PPIP5K2: variants seen among roughly 807,000 people sequenced by gnomAD.
The protein encoded by PPIP5K2 is inositol hexakisphosphate and diphosphoinositol-pentakisphosphate kinase 2.
PPIP5K2 carries 105 observed loss-of-function variants against 154.6 expected under a neutral mutation model. The observed-to-expected ratio is 0.68, with a 90% CI of 0.58 to 0.80. The LOEUF (loss-of-function observed/expected upper bound fraction) is 0.80. Ranked by LOEUF, PPIP5K2 falls within the 30% of genes least tolerant of loss-of-function variation. PPIP5K2 has a pLI of 0.00. For missense variants in PPIP5K2, 992 were observed against 1,504.6 expected, an observed-to-expected ratio of 0.66 and a Z score of 5.64; for synonymous variants, 480 against 490.3, an observed-to-expected ratio of 0.98 and a Z score of 0.28.
intron 30 of PPIP5K2, 30 bp from the exon 31 acceptor site, chr5:103,201,492 G>GTTTTTTTTT (rs371804029): frequency 8.8e-7 from 1 of 1,131,828 alleles, no homozygotes; most frequent in Non-Finnish European, 1.2e-6. Flanking sequence ...TTAAGCAATA[G>GTTTTTTTTT]TTTTTTTTTT....
In PPIP5K2 at chr5:103,158,332, T is replaced by G. The variant is rs377230477; in HGVS notation, c.1615+19T>G. On this transcript the variant is annotated intron_variant, in intron 15 of 30. Transcript: ENST00000358359. ...GGTCAAGGTAAATCTTAGAGTTTTCTTTAATTTGACTAATTTCATAAATTG... is the reference window on the plus strand; with the variant it reads ...GGTCAAGGTAAATCTTAGAGTTTTCGTTAATTTGACTAATTTCATAAATTG... 4 of 1,601,232 alleles carry G rather than the reference T, an allele frequency of 2.5e-6. No individual in the cohort carries two copies. Among genetic ancestry groups the G allele is most frequent in the Non-Finnish European group, 3.4e-6 (4 of 1,176,400 alleles).
intron 8 of PPIP5K2, among the ~76,000 whole-genome samples, chr5:103,149,839 G>A (rs782764084): frequency 1.3e-5 from 2 of 151,728 alleles, no homozygotes; most frequent in Non-Finnish European, 2.9e-5. Context: ...TGGGATTACA[G>A]GCACCCACCA....
chr5:103,208,994 GAAGAAGAACAA>G lies in PPIP5K2; in HGVS notation c.*7367_*7377del, dbSNP rs1803661580. ...CTTTGACAAGAAGGAAGAGGAGGAGGAAGAAGAACAAAAGAAGCCTGCCTCTCTTTAGACTG... is the reference window on the plus strand; with the variant it reads ...CTTTGACAAGAAGGAAGAGGAGGAGGAAGAAGCCTGCCTCTCTTTAGACTG... On this transcript the variant is annotated 3_prime_UTR_variant, in exon 31 of 31. Transcript: ENST00000358359. 1 of 152,086 alleles carries G rather than the reference GAAGAAGAACAA, an allele frequency of 6.6e-6. No individual in the cohort carries two copies. Among genetic ancestry groups the G allele is most frequent in the Non-Finnish European group, 1.5e-5 (1 of 68,014 alleles). The allele number at this position is 152,086 out of a possible 1,614,324, so 9.4% of individuals were successfully genotyped here.
intron 10 of PPIP5K2, 82 bp downstream of exon 10, chr5:103,152,831 A>G: frequency 1.1e-6 from 1 of 876,314 alleles, no homozygotes; most frequent in Non-Finnish European, 1.8e-6. Flanking sequence ...TTTCTGAATG[A>G]TGATTAGACA....
chr5:103,171,095 A>G (rs1210879434), intron 19 of PPIP5K2, among the ~76,000 whole-genome samples: 1 of 151,478 alleles, frequency 6.6e-6, no homozygotes, highest in Non-Finnish European at 1.5e-5. Flanking sequence ...TGTAATTCCA[A>G]TCATTTCTAG....
At chr5:103,151,007 T>A (rs946066126) in intron 8 of PPIP5K2, among the ~76,000 whole-genome samples, 2 of 152,030 alleles carry the variant, frequency 1.3e-5, no homozygotes, top group Admixed American at 1.3e-4. Context: ...TAGCCCCTTA[T>A]GCGTTATTGT....
At chr5:103,158,811 C>G (rs952841251) in intron 16 of PPIP5K2, among the ~76,000 whole-genome samples, 3 of 151,736 alleles carry the variant, frequency 2.0e-5, no homozygotes, top group Non-Finnish European at 2.9e-5. Context: ...CACCTGTAGT[C>G]CCAGCAGCTC....
chr5:103,141,744 T>C lies in PPIP5K2; in HGVS notation c.487+3275T>C, dbSNP rs890173520. Among the ~76,000 whole-genome samples the C allele has an allele frequency of 1.2e-3, 180 of 152,092 alleles. 2 individuals carry two copies. The highest frequency in any genetic ancestry group is 5.2e-4 in the Admixed American group (8 of 15,272). On this transcript the variant is annotated intron_variant, in intron 5 of 30. Coordinates refer to ENST00000358359, the MANE Select transcript of PPIP5K2 (RefSeq NM_001276277.3). ...AACACAGGGTGCTGATTGGTGTGTTTACAAACCTTGAGCTAGATACAGAGT... is the reference window on the plus strand; with the variant it reads ...AACACAGGGTGCTGATTGGTGTGTTCACAAACCTTGAGCTAGATACAGAGT...
chr5:103,182,771 C>A (rs1376084296), intron 24 of PPIP5K2, among the ~76,000 whole-genome samples: 1 of 152,016 alleles, frequency 6.6e-6, no homozygotes, highest in Non-Finnish European at 1.5e-5. Flanking sequence ...ATATTGAAAT[C>A]CCTTTGACCC....
chr5:103,176,905 G>A (rs1350302432), intron 21 of PPIP5K2: 13 of 1,450,450 alleles, frequency 9.0e-6, no homozygotes, highest in Non-Finnish European at 1.2e-5. Flanking sequence ...AATGGTGAAG[G>A]AGATGGTAAG....
chr5:103,183,277 C>T lies in PPIP5K2; in HGVS notation c.2966C>T (p.Thr989Ile). The T allele has an allele frequency of 6.9e-7, 1 of 1,442,580 alleles. No individual in the cohort carries two copies. Among genetic ancestry groups the T allele is most frequent in the Non-Finnish European group, 9.2e-7 (1 of 1,086,402 alleles). 89.4% of individuals were successfully genotyped at this position (1,442,580 alleles called of 1,614,324 possible). A position where few individuals can be genotyped will look rare whatever the true frequency, so the allele number is the denominator to read the frequency against. Residue 989 changes from threonine to isoleucine, a missense_variant, in exon 25 of 31, where the codon ACC (threonine) becomes ATC (isoleucine). By Grantham distance (89) the Thr-to-Ile change is moderately conservative. Around this residue, in one of 9 missense-constraint regions of PPIP5K2, gnomAD observed 204 missense variants for 224.0 expected, o/e 0.91. Coordinates refer to ENST00000358359, the MANE Select transcript of PPIP5K2 (RefSeq NM_001276277.3). ...LSVSSPEGTG[T>I]WLHYTSGVGT... Reference sequence around the variant, plus strand: ...GTGTCTAGCCCAGAGGGTACTGGTACCTGGCTGCATTATACCAGTGGTGTG... The same window carrying T: ...GTGTCTAGCCCAGAGGGTACTGGTATCTGGCTGCATTATACCAGTGGTGTG...
intron 5 of PPIP5K2, among the ~76,000 whole-genome samples, chr5:103,140,836 C>CAAAA (rs34150862): frequency 1.1e-5 from 1 of 88,158 alleles, no homozygotes; most frequent in African/African-American, 3.8e-5. Flanking sequence ...GACTCCGTCT[C>CAAAA]AAAAAAAAAA....
At chr5:103,189,462 GT>G (rs1580438665) in intron 28 of PPIP5K2, among the ~76,000 whole-genome samples, 1 of 140,204 alleles carries the variant, frequency 7.1e-6, no homozygotes, top group African/African-American at 3.3e-5. Context: ...AGATCTCATC[GT>G]TAAGTTTAGT....
At chr5:103,165,913 G>T (rs537953404) in intron 17 of PPIP5K2, among the ~76,000 whole-genome samples, 2 of 152,152 alleles carry the variant, frequency 1.3e-5, no homozygotes, top group East Asian at 3.9e-4. Context: ...AATTAAAGTT[G>T]AGCAAACTTT....
intron 2 of PPIP5K2, among the ~76,000 whole-genome samples, chr5:103,132,937 AC>A (rs1459379204): frequency 1.3e-5 from 2 of 152,286 alleles, no homozygotes; most frequent in Admixed American, 1.3e-4. Context: ...GAGACTTGAC[AC>A]CTCTGTTAGC....
chr5:103,167,391 C>A, intron 18 of PPIP5K2, 71 bp downstream of exon 18: 1 of 1,253,648 alleles, frequency 8.0e-7, no homozygotes, highest in Non-Finnish European at 1.1e-6. Context: ...ATATATGATG[C>A]ACCAATCTTG....
rs781971589 is a variant in PPIP5K2, at chr5:103,146,701, T to G, written c.642+20T>G. 6.3e-7 allele frequency: 1 copy of G among 1,583,486 alleles called. No homozygotes were observed. Among genetic ancestry groups the G allele is most frequent in the East Asian group, 2.3e-5 (1 of 44,438 alleles). On this transcript the variant is annotated intron_variant, in intron 6 of 30. Transcript: ENST00000358359. ...AGAAAGGTAACACCTTTGTAACTTT[T>G]GTATGAATACTCTTCTTTGTACATT...
chr5:103,162,970 G>T (rs1162448280), intron 17 of PPIP5K2, among the ~76,000 whole-genome samples: 2 of 151,268 alleles, frequency 1.3e-5, no homozygotes, highest in Admixed American at 6.6e-5. Context: ...CCATTACTCA[G>T]AAGTACCATA....
intron 13 of PPIP5K2, 125 bp downstream of exon 13, chr5:103,155,068 A>G: frequency 2.0e-6 from 1 of 490,456 alleles, no homozygotes. Flanking sequence ...TATAGTTGAG[A>G]CATGAAGGAA....
Sources: gnomAD v4.1 joint callset for allele counts (sites outside exome capture counted in the v4.1 genomes callset) on GRCh38, gnomAD v4.1.1 for gene constraint, gnomAD v4.1.1 regional missense constraint, MANE v1.5 for transcripts, NCBI Gene and HGNC (gene_info 2026-07-23, HGNC 2026-07-21) for gene names.